The following ANK3 variants were observed in gnomAD, a reference collection of about 807,000 sequenced individuals.
ANK3 encodes the protein ankyrin-3.
ANK3 carries 57 observed loss-of-function variants against 370.9 expected under a neutral mutation model. That is an observed-to-expected ratio of 0.15 (90% CI 0.12 to 0.19). The LOEUF is 0.19. Among genes scored for constraint, ANK3 ranks in the 10% least tolerant of loss-of-function variants. ANK3 has a pLI of 1.00. For synonymous variants in ANK3, 1,929 were observed against 1,946.3 expected (o/e 0.99, Z 0.23); for missense variants, 4,439 against 5,302.1 (o/e 0.84, Z 5.06).
At chr10:60,327,548 C>G (rs2050190955) in intron 1 of ANK3, among the ~76,000 whole-genome samples, 1 of 152,158 alleles carries the variant, frequency 6.6e-6, no homozygotes, top group Non-Finnish European at 1.5e-5. Context: ...TCCCTGTCCT[C>G]TTAAATGGTC....
chr10:60,366,265 G>A (rs941951963), intron 1 of ANK3, among the ~76,000 whole-genome samples: 2 of 152,106 alleles, frequency 1.3e-5, no homozygotes, highest in Non-Finnish European at 2.9e-5. Flanking sequence ...CCCGGGAGGC[G>A]GAGTTTGCAG....
At chr10:60,053,112 AT>A (rs1434458411) in intron 42 of ANK3, among the ~76,000 whole-genome samples, 1 of 152,202 alleles carries the variant, frequency 6.6e-6, no homozygotes, top group East Asian at 1.9e-4. Flanking sequence ...ATTATTTTAA[AT>A]TTTTCAGTAA....
intron 2 of ANK3, among the ~76,000 whole-genome samples, chr10:60,573,543 TC>T (rs1235333793): frequency 2.0e-5 from 3 of 152,130 alleles, no homozygotes; most frequent in Admixed American, 6.5e-5. Context: ...GTGCCCACAC[TC>T]CCCACTGCAC....
chr10:60,627,528 T>G (rs929432259), intron 1 of ANK3, among the ~76,000 whole-genome samples: 4 of 152,130 alleles, frequency 2.6e-5, no homozygotes, highest in African/African-American at 2.4e-5. Context: ...TGATAGGAAA[T>G]GGAATCTTGG....
intron 2 of ANK3, among the ~76,000 whole-genome samples, chr10:60,599,272 T>C (rs2078028969): frequency 6.6e-6 from 1 of 152,120 alleles, no homozygotes; most frequent in South Asian, 2.1e-4. Flanking sequence ...TGGTAAAAAT[T>C]AAGAGCCCAC....
intron 18 of ANK3, among the ~76,000 whole-genome samples, chr10:60,177,746 CGCCACCAT>C (rs2096016405): frequency 6.6e-6 from 1 of 151,836 alleles, no homozygotes; most frequent in Admixed American, 6.6e-5. Context: ...TACAGGCACC[CGCCACCAT>C]GCCCAGCTAA....
chr10:60,727,179 G>T (rs7906535), intron 1 of ANK3, among the ~76,000 whole-genome samples: 46,996 of 151,958 alleles, frequency 0.31, 7,266 homozygotes, highest in Middle Eastern at 0.36. Flanking sequence ...TATATTCTTG[G>T]CATCTTTATT....
chr10:60,606,912 G>A (rs142356197), intron 2 of ANK3, among the ~76,000 whole-genome samples: 175 of 152,206 alleles, frequency 1.1e-3, no homozygotes, highest in Middle Eastern at 6.8e-3. Context: ...CCCCAGATCC[G>A]GCAGGAAGAA....
intron 28 of ANK3, among the ~76,000 whole-genome samples, chr10:60,093,400 T>A (rs1200137439): frequency 6.6e-6 from 1 of 152,212 alleles, no homozygotes; most frequent in African/African-American, 2.4e-5. Flanking sequence ...TGAAATTACA[T>A]CCTTCAAATG....
At chr10:60,380,232 T>C (rs1340805319) in intron 1 of ANK3, among the ~76,000 whole-genome samples, 2 of 152,164 alleles carry the variant, frequency 1.3e-5, no homozygotes, top group African/African-American at 4.8e-5. Flanking sequence ...CGTTCTGTAA[T>C]GTTCTTTAGG....
intron 34 of ANK3, 77 bp from the exon 35 acceptor site, chr10:60,082,253 A>C (rs920176929): frequency 1.5e-6 from 2 of 1,312,878 alleles, no homozygotes; most frequent in Middle Eastern, 3.6e-4. Flanking sequence ...AGGATATGAA[A>C]AGGACTGAGT....
chr10:60,358,976 C>T (rs970585887), intron 1 of ANK3, among the ~76,000 whole-genome samples: 3 of 152,094 alleles, frequency 2.0e-5, no homozygotes, highest in South Asian at 2.1e-4. Context: ...CCACCTTAGC[C>T]GAGTGTACCT....
chr10:60,677,784 C>CCA (rs1554807639), intron 1 of ANK3, among the ~76,000 whole-genome samples: 2 of 99,282 alleles, frequency 2.0e-5, no homozygotes, highest in African/African-American at 7.3e-5. Flanking sequence ...CTCAACTACC[C>CCA]AAAAAAAAAA....
chr10:60,409,928 C>T (rs1487287480), intron 2 of ANK3, among the ~76,000 whole-genome samples: 3 of 152,104 alleles, frequency 2.0e-5, no homozygotes, highest in Non-Finnish European at 4.4e-5. Context: ...GTGCTCTGAG[C>T]CCTAGTCTCT....
In ANK3 at chr10:60,213,516, G is replaced by A; in HGVS notation, c.898-6C>T. On this transcript the variant is annotated splice_polypyrimidine_tract_variant and splice_region_variant and intron_variant, in intron 8 of 43. Transcript: ENST00000280772. ...TGCAGTGGTGTCAGACCATCCTGTT[G>A]AACAAAGGAAACATCACCAATTAAA... 6.4e-7 allele frequency: 1 copy of A among 1,574,494 alleles called. No homozygotes were observed.
intron 1 of ANK3, among the ~76,000 whole-genome samples, chr10:60,357,812 C>T (rs2058001602): frequency 1.3e-5 from 2 of 152,122 alleles, no homozygotes; most frequent in Admixed American, 6.5e-5. Context: ...ATGAGTACTA[C>T]TTCATCTCTG....
At chr10:60,251,618 G>A (rs564365993) in intron 7 of ANK3, among the ~76,000 whole-genome samples, 6 of 152,120 alleles carry the variant, frequency 3.9e-5, no homozygotes, top group Non-Finnish European at 8.8e-5. Context: ...CAGTGGCTCT[G>A]GCCAGACTCC....
At chr10:60,171,447 T>C (rs1444580562) in intron 21 of ANK3, among the ~76,000 whole-genome samples, 1 of 152,170 alleles carries the variant, frequency 6.6e-6, no homozygotes, top group Non-Finnish European at 1.5e-5. Context: ...ATGCTAACCA[T>C]TTTCTCCTTC....
chr10:60,285,827 A>T (rs2098236061), intron 1 of ANK3, among the ~76,000 whole-genome samples: 1 of 152,176 alleles, frequency 6.6e-6, no homozygotes, highest in South Asian at 2.1e-4. Context: ...AACAACAGAA[A>T]TATGAACAAT....
Sources: allele counts gnomAD v4.1 joint callset (sites outside exome capture counted in the v4.1 genomes callset), GRCh38; gene constraint gnomAD v4.1.1; transcripts MANE v1.5; gene names NCBI Gene and HGNC (gene_info 2026-07-23, HGNC 2026-07-21).